The following MKRN2OS variants were observed in gnomAD, a reference collection of about 807,000 sequenced individuals.
The protein encoded by MKRN2OS is MKRN2 opposite strand, also known as MKRN2 opposite strand protein.
MKRN2OS carries 17 observed loss-of-function variants against 18.2 expected under a neutral mutation model. The observed-to-expected ratio is 0.93, with a 90% CI of 0.64 to 1.40. MKRN2OS has a LOEUF of 1.40. MKRN2OS is among the 40% of genes most tolerant of loss of function. The probability of loss-of-function intolerance (pLI) is 0.00; values close to 1 mark genes in which losing one functional copy is unlikely to be tolerated. For synonymous variants in MKRN2OS, 121 were observed against 108.5 expected, an observed-to-expected ratio of 1.12 and a Z score of -0.72; for missense variants, 337 against 283.0, an observed-to-expected ratio of 1.19 and a Z score of -1.37.
intron 2 of MKRN2OS, 39 bp from the exon 3 acceptor site, chr3:12,542,061 A>G: frequency 6.6e-7 from 1 of 1,513,094 alleles, no homozygotes; most frequent in Non-Finnish European, 8.8e-7. Flanking sequence ...GCCCCAAGGA[A>G]ACACACACCT....
upstream of MKRN2OS, chr3:12,545,553 A>G (rs2057874895): frequency 2.0e-6 from 2 of 1,018,512 alleles, no homozygotes; most frequent in Non-Finnish European, 2.8e-6. Context: ...GCCCCAAGGA[A>G]CCTGATCAAT....
chr3:12,542,122 G>A (rs1283883042), intron 2 of MKRN2OS, 100 bp from the exon 3 acceptor site: 35 of 1,218,094 alleles, frequency 2.9e-5, no homozygotes, highest in South Asian at 3.1e-5. Flanking sequence ...GTAACTTTAC[G>A]TAACATAAAT....
chr3:12,548,465 AAAAAAAAAAAAAAAAAAC>A (rs1171007677), upstream of MKRN2OS, among the ~76,000 whole-genome samples: 17 of 109,258 alleles, frequency 1.6e-4, no homozygotes, highest in South Asian at 8.4e-4. Context: ...AAAAAAAAAA[AAAAAAAAAAAAAAAAAAC>A]CAGCCGAGCG....
intron 1 of MKRN2OS, chr3:12,557,183 G>C: frequency 6.5e-7 from 1 of 1,536,122 alleles, no homozygotes; most frequent in South Asian, 1.2e-5. Flanking sequence ...GCAGGTCAGT[G>C]CGCTGGAGCC....
At chr3:12,556,790 C>T (rs1226834024) in intron 1 of MKRN2OS, among the ~76,000 whole-genome samples, 1 of 152,048 alleles carries the variant, frequency 6.6e-6, no homozygotes, top group Non-Finnish European at 1.5e-5. Flanking sequence ...TCGAAGGAGG[C>T]GGGAGATCCC....
chr3:12,543,437 A>G (rs796896339), intron 1 of MKRN2OS, among the ~76,000 whole-genome samples: 82 of 152,082 alleles, frequency 5.4e-4, no homozygotes, highest in African/African-American at 1.8e-3. Context: ...AAATACAAAA[A>G]TTAGCCAGGT....
chr3:12,540,128 C>T lies in MKRN2OS; in HGVS notation c.*65G>A. On this transcript the variant is annotated 3_prime_UTR_variant, in exon 4 of 4. Transcript: ENST00000564146. ...CCACAGTTAAATGCATTTAGAAATC[C>T]ATAGTACTGATTAAAGGTAGCAACC... is the stretch of plus-strand genomic sequence containing the variant. The T allele has an allele frequency of 1.3e-6, 2 of 1,532,304 alleles. No individual in the cohort carries two copies. Among genetic ancestry groups the T allele is most frequent in the Non-Finnish European group, 1.7e-6 (2 of 1,144,536 alleles). 94.9% of individuals were successfully genotyped at this position (1,532,304 alleles called of 1,614,324 possible). A position where few individuals can be genotyped will look rare whatever the true frequency, so the allele number is the denominator to read the frequency against.
At chr3:12,548,100 G>A (rs1453382044), upstream of MKRN2OS, among the ~76,000 whole-genome samples, 2 of 151,886 alleles carry the variant, frequency 1.3e-5, no homozygotes, top group African/African-American at 2.4e-5. Context: ...ACCTGAGGTC[G>A]GGAGTTCAAG....
chr3:12,556,266 G>A (rs552215861), intron 1 of MKRN2OS, among the ~76,000 whole-genome samples: 2 of 151,894 alleles, frequency 1.3e-5, no homozygotes, highest in South Asian at 4.2e-4. Flanking sequence ...CAGGAGAATC[G>A]CTTGAACCCG....
chr3:12,543,915 G>A (rs1342409307), intron 1 of MKRN2OS, among the ~76,000 whole-genome samples: 1 of 150,876 alleles, frequency 6.6e-6, no homozygotes, highest in African/African-American at 2.4e-5. Context: ...AAAAATAACA[G>A]TTTTAATCTT....
rs1427116069 is a variant in MKRN2OS, at chr3:12,557,463, C to A, written n.264+3294G>T. Among the ~76,000 whole-genome samples, 3 of 152,172 alleles carry A rather than the reference C, an allele frequency of 2.0e-5. 1 individual carries two copies. The highest frequency in any genetic ancestry group is 4.1e-4 in the South Asian group (2 of 4,830). On this transcript the variant is annotated intron_variant and non_coding_transcript_variant, in intron 1 of 1. Coordinates refer to the MKRN2OS transcript ENST00000447550. The stretch of plus-strand genomic sequence containing the variant: ...GAAGGACGTCCTAGCCAGGGCCGTG[C>A]AGGATGCCGGGGCGCTGTCGGGAAG...
In MKRN2OS at chr3:12,544,683, GA is replaced by G. The variant is rs34704258; in HGVS notation, c.218+563del. Among the ~76,000 whole-genome samples, 8 of 147,642 alleles carry G rather than the reference GA, an allele frequency of 5.4e-5. No individual in the cohort carries two copies. In the South Asian group the frequency reaches 6.5e-4, roughly 12 times the overall value. ...AACAAGAGCGAAACTCTGTCTCGGGGAAAAAAAAAAGGTATAATCCTTTCTT... is the reference window on the plus strand; with the variant it reads ...AACAAGAGCGAAACTCTGTCTCGGGGAAAAAAAAAGGTATAATCCTTTCTT... On this transcript the variant is annotated intron_variant, in intron 1 of 3. Coordinates refer to ENST00000564146, the MANE Select transcript of MKRN2OS (RefSeq NM_001195279.2).
rs2057839319 is a variant in MKRN2OS, at chr3:12,543,186, TGTTA to T, written c.258_261del (p.Asn87GlnfsTer24). ...GCTACAAAACTGCACTTACCATTTG[TGTTA>T]GTTATTCCAACATGAAGATCAGACC... On this transcript the variant is annotated frameshift_variant, in exon 2 of 4. Transcript: ENST00000564146. LOFTEE classifies it high-confidence loss of function. 1 of 1,535,940 alleles carries T rather than the reference TGTTA, an allele frequency of 6.5e-7. No individual in the cohort carries two copies. Among genetic ancestry groups the T allele is most frequent in the Middle Eastern group, 1.7e-4 (1 of 5,988 alleles).
chr3:12,547,435 T>C (rs1002819855), upstream of MKRN2OS, among the ~76,000 whole-genome samples: 10 of 152,132 alleles, frequency 6.6e-5, no homozygotes, highest in African/African-American at 2.4e-4. Flanking sequence ...TCCCAGCTAC[T>C]TGGGAGGCTG....
intron 1 of MKRN2OS, among the ~76,000 whole-genome samples, chr3:12,543,643 T>C (rs1427913556): frequency 1.3e-5 from 2 of 151,478 alleles, no homozygotes; most frequent in African/African-American, 4.9e-5. Context: ...CTCAGCACTT[T>C]GGGAGGCTGA....
At chr3:12,557,633 C>G (rs1338376995) in intron 1 of MKRN2OS, among the ~76,000 whole-genome samples, 1 of 152,236 alleles carries the variant, frequency 6.6e-6, no homozygotes, top group African/African-American at 2.4e-5. Context: ...CAGATGCAAT[C>G]TAAACTTGCA....
Position 12,541,881 on chromosome 3 carries a change from G to A in MKRN2OS, c.410C>T (p.Ser137Leu), listed in dbSNP as rs752836045. 36 of 1,535,756 alleles carry A rather than the reference G, an allele frequency of 2.3e-5. No individual in the cohort carries two copies. In the South Asian group the frequency reaches 2.5e-4, roughly 11 times the overall value. Residue 137 changes from serine (S) to leucine (L), a missense_variant, in exon 3 of 4, where the codon TCG becomes TTG. Coordinates refer to ENST00000564146, the MANE Select transcript of MKRN2OS (RefSeq NM_001195279.2). ...WDKYLEDFST[S>L]GAWLPHRYED... ...GTACCTGTGAGGCAGCCAGGCCCCC[G>A]AGGTGGAGAAGTCTTCCAGGTACTT...
downstream of MKRN2OS, among the ~76,000 whole-genome samples, chr3:12,551,494 C>T (rs981655691): frequency 2.6e-5 from 3 of 117,610 alleles, no homozygotes; most frequent in Non-Finnish European, 5.4e-5. Flanking sequence ...GACTCCATCT[C>T]AAAAAAAAAA....
upstream of MKRN2OS, among the ~76,000 whole-genome samples, chr3:12,547,047 G>T (rs2057891086): frequency 6.6e-6 from 1 of 152,110 alleles, no homozygotes; most frequent in Non-Finnish European, 1.5e-5. Context: ...GGTCGAGGGT[G>T]CCTTGAGCCA....
Sources: gnomAD v4.1 joint callset for allele counts (sites outside exome capture counted in the v4.1 genomes callset) on GRCh38, gnomAD v4.1.1 for gene constraint, MANE v1.5 for transcripts, NCBI Gene and HGNC (gene_info 2026-07-23, HGNC 2026-07-21) for gene names.